The following THADA variants were observed in gnomAD, a reference collection of about 807,000 sequenced individuals.
THADA encodes tRNA (32-2'-O)-methyltransferase regulator THADA.
Under a neutral mutation model 219.8 loss-of-function variants are expected in THADA, and 213 were observed. The observed-to-expected ratio is 0.97, with a 90% CI of 0.87 to 1.09. The LOEUF is 1.09. Ranked by LOEUF, THADA falls within the 50% of genes least tolerant of loss-of-function variation. THADA has a pLI of 0.00. For missense variants in THADA, 2,956 were observed against 2,311.3 expected, an observed-to-expected ratio of 1.28 and a Z score of -5.72; for synonymous variants, 1,018 against 828.9, an observed-to-expected ratio of 1.23 and a Z score of -3.92.
At chr2:43,267,766 G>A (rs529026598) in intron 36 of THADA, among the ~76,000 whole-genome samples, 1 of 152,260 alleles carries the variant, frequency 6.6e-6, no homozygotes, top group South Asian at 2.1e-4. Flanking sequence ...CTAATCATAC[G>A]GACCATCACA....
intron 31 of THADA, among the ~76,000 whole-genome samples, chr2:43,307,626 G>C (rs1422537135): frequency 6.6e-6 from 1 of 152,158 alleles, no homozygotes; most frequent in Non-Finnish European, 1.5e-5. Flanking sequence ...CTAAACTAAA[G>C]GCTCCTCTTT....
intron 24 of THADA, among the ~76,000 whole-genome samples, chr2:43,499,422 G>A (rs927493593): frequency 2.6e-5 from 4 of 152,000 alleles, no homozygotes; most frequent in Non-Finnish European, 5.9e-5. Flanking sequence ...TGTCGCCCAG[G>A]CTGGAACAGA....
chr2:43,524,318 G>C (rs1472936630), intron 22 of THADA, among the ~76,000 whole-genome samples: 1 of 152,212 alleles, frequency 6.6e-6, no homozygotes, highest in African/African-American at 2.4e-5. Flanking sequence ...TAATAGTGAA[G>C]TCAGTTTATA....
chr2:43,589,128 T>C (rs1367355192), intron 4 of THADA, among the ~76,000 whole-genome samples: 5 of 152,164 alleles, frequency 3.3e-5, no homozygotes, highest in Non-Finnish European at 7.3e-5. Flanking sequence ...TCTGGGTATA[T>C]ATCCAAAGAA....
intron 29 of THADA, among the ~76,000 whole-genome samples, chr2:43,369,842 C>T (rs1670596200): frequency 6.6e-6 from 1 of 152,210 alleles, no homozygotes; most frequent in Non-Finnish European, 1.5e-5. Context: ...GAAATTTCTA[C>T]ATCCTCCAGC....
intron 29 of THADA, among the ~76,000 whole-genome samples, chr2:43,385,193 T>G (rs1295441712): frequency 1.3e-5 from 2 of 151,470 alleles, no homozygotes; most frequent in Non-Finnish European, 3.0e-5. Context: ...AAAAAACAAT[T>G]TGGTAATTGG....
chr2:43,566,675 C>T, intron 15 of THADA, 23 bp downstream of exon 15: 1 of 1,608,084 alleles, frequency 6.2e-7, no homozygotes, highest in Non-Finnish European at 8.5e-7. Flanking sequence ...AAATTACTTC[C>T]CCTAACATTA....
intron 21 of THADA, among the ~76,000 whole-genome samples, chr2:43,532,290 G>A (rs1043858521): frequency 6.6e-6 from 1 of 151,558 alleles, no homozygotes; most frequent in African/African-American, 2.4e-5. Flanking sequence ...CCATGCGCCT[G>A]TAGTCCCAGC....
At chr2:43,498,367 G>A (rs768825886) in intron 25 of THADA, among the ~76,000 whole-genome samples, 3 of 152,064 alleles carry the variant, frequency 2.0e-5, no homozygotes, top group African/African-American at 4.8e-5. Flanking sequence ...TTAAAAAAAC[G>A]GTTAAAGTGG....
intron 34 of THADA, among the ~76,000 whole-genome samples, chr2:43,287,821 C>T (rs1011455523): frequency 5.3e-5 from 8 of 152,310 alleles, no homozygotes; most frequent in Middle Eastern, 6.8e-3. Context: ...TTGGGAGTAA[C>T]AGGTGATTAA....
intron 21 of THADA, among the ~76,000 whole-genome samples, chr2:43,536,838 C>A (rs943973333): frequency 6.6e-6 from 1 of 152,108 alleles, no homozygotes; most frequent in African/African-American, 2.4e-5. Context: ...AACACTAGAA[C>A]CTACTTCACA....
At chr2:43,360,011 C>T (rs1315566772) in intron 29 of THADA, among the ~76,000 whole-genome samples, 1 of 151,542 alleles carries the variant, frequency 6.6e-6, no homozygotes, top group Admixed American at 6.6e-5. Context: ...CTAAAAGGTA[C>T]CTTCTAACAT....
chr2:43,353,243 G>A (rs560462790), intron 29 of THADA, among the ~76,000 whole-genome samples: 1 of 152,220 alleles, frequency 6.6e-6, no homozygotes, highest in African/African-American at 2.4e-5. Context: ...AATTTCTTTA[G>A]GAATCTTCAC....
At chr2:43,460,266 A>G (rs1289633166) in intron 26 of THADA, among the ~76,000 whole-genome samples, 1 of 146,788 alleles carries the variant, frequency 6.8e-6, no homozygotes. Flanking sequence ...AAAAAAAAAA[A>G]AGTAAGCCAG....
chr2:43,460,405 T>G (rs1683495256), intron 26 of THADA, among the ~76,000 whole-genome samples: 1 of 152,126 alleles, frequency 6.6e-6, no homozygotes, highest in African/African-American at 2.4e-5. Context: ...TGCAAAGATT[T>G]GGAAAATACA....
chr2:43,280,943 C>G (rs1054238361), intron 35 of THADA, among the ~76,000 whole-genome samples: 1 of 152,200 alleles, frequency 6.6e-6, no homozygotes, highest in African/African-American at 2.4e-5. Flanking sequence ...CTGTAACTGA[C>G]ACAGAATTCA....
chr2:43,376,190 CT>C (rs959199036), intron 29 of THADA, among the ~76,000 whole-genome samples: 2 of 152,184 alleles, frequency 1.3e-5, no homozygotes, highest in Admixed American at 6.5e-5. Flanking sequence ...ATGGCTTCCC[CT>C]GTCTTACTAC....
In THADA at chr2:43,385,845, T is replaced by C. The variant is rs372271941; in HGVS notation, c.4227+12126A>G. Reference sequence around the variant, plus strand: ...TGTAAACTCTTCGAAATCACAACTTTTAAAAAACCTCTTAAATCCATTTGA... The same window carrying C: ...TGTAAACTCTTCGAAATCACAACTTCTAAAAAACCTCTTAAATCCATTTGA... On this transcript the variant is annotated intron_variant, in intron 29 of 37. Coordinates refer to ENST00000405975, the MANE Select transcript of THADA (RefSeq NM_022065.5). Among the ~76,000 whole-genome samples, 176 of 151,850 alleles carry C rather than the reference T, an allele frequency of 1.2e-3. 4 individuals are homozygous for C. The South Asian group carries it at 0.036, about 31-fold the overall frequency.
At chr2:43,294,253 A>T (rs2104377339) in intron 31 of THADA, among the ~76,000 whole-genome samples, 1 of 152,376 alleles carries the variant, frequency 6.6e-6, no homozygotes, top group South Asian at 2.1e-4. Context: ...ACTATGTGCT[A>T]GGAGCTAAAT....
Sources: gnomAD v4.1 joint callset for allele counts (sites outside exome capture counted in the v4.1 genomes callset) on GRCh38, gnomAD v4.1.1 for gene constraint, MANE v1.5 for transcripts, NCBI Gene and HGNC (gene_info 2026-07-23, HGNC 2026-07-21) for gene names.